The following SMYD3 variants were observed in gnomAD, a reference collection of about 807,000 sequenced individuals.
The protein encoded by SMYD3 is histone-lysine N-methyltransferase SMYD3.
Under a neutral mutation model 57.7 loss-of-function variants are expected in SMYD3, and 36 were observed. The ratio of observed to expected loss-of-function variants is 0.62; its 90% CI spans 0.48 to 0.82. The LOEUF is 0.82. Ranked by LOEUF, SMYD3 falls within the 40% of genes least tolerant of loss-of-function variation. The pLI is 0.00. For missense variants in SMYD3, 515 were observed against 538.8 expected (o/e 0.96, Z 0.44); for synonymous variants, 211 against 195.0 (o/e 1.08, Z -0.68).
intron 5 of SMYD3, among the ~76,000 whole-genome samples, chr1:246,036,522 T>C (rs1443836590): frequency 1.4e-5 from 2 of 147,850 alleles, no homozygotes. Context: ...TTATTTTCTC[T>C]GTACTCTTCT....
chr1:246,005,830 G>T lies in SMYD3; in HGVS notation c.532-75893C>A, dbSNP rs138220257. On this transcript the variant is annotated intron_variant, in intron 5 of 11. Coordinates refer to ENST00000490107, the MANE Select transcript of SMYD3 (RefSeq NM_001167740.2). ...CAGTCACTCTCAATCATTACCAGAC[G>T]TCGTCACTGAATTTAGGGCCCCTGT... 5.6e-3 allele frequency among the ~76,000 whole-genome samples: 852 copies of T among 152,242 alleles called. 3 individuals carry two copies. The highest frequency in any genetic ancestry group is 9.4e-3 in the Non-Finnish European group (637 of 68,012).
At chr1:246,225,706 G>T (rs1036271705) in intron 5 of SMYD3, among the ~76,000 whole-genome samples, 1 of 151,942 alleles carries the variant, frequency 6.6e-6, no homozygotes, top group Non-Finnish European at 1.5e-5. Context: ...TAAACCATAC[G>T]GATCTACAAC....
intron 10 of SMYD3, among the ~76,000 whole-genome samples, chr1:245,845,385 T>C (rs1003638530): frequency 6.6e-6 from 1 of 152,248 alleles, no homozygotes; most frequent in Non-Finnish European, 1.5e-5. Context: ...ACTGTTTCTG[T>C]AGCATTTCCA....
chr1:246,269,864 C>T (rs961841015), intron 5 of SMYD3, among the ~76,000 whole-genome samples: 4 of 152,296 alleles, frequency 2.6e-5, no homozygotes, highest in East Asian at 1.9e-4. Flanking sequence ...TGTACCACCA[C>T]ACCCAGCGGT....
chr1:246,271,037 T>C (rs912529764), intron 5 of SMYD3, among the ~76,000 whole-genome samples: 9 of 152,220 alleles, frequency 5.9e-5, no homozygotes, highest in Admixed American at 5.9e-4. Context: ...TATCTCACTG[T>C]AGTTTTGATT....
chr1:245,846,651 A>G (rs536738474), intron 10 of SMYD3, among the ~76,000 whole-genome samples: 2 of 152,318 alleles, frequency 1.3e-5, no homozygotes, highest in South Asian at 4.1e-4. Context: ...TCTGGCTGTG[A>G]GGATTAGAAG....
intron 5 of SMYD3, among the ~76,000 whole-genome samples, chr1:246,031,836 G>A (rs891056775): frequency 6.6e-6 from 1 of 151,984 alleles, no homozygotes; most frequent in Non-Finnish European, 1.5e-5. Context: ...ATTGTAGTCT[G>A]CAGAGACTAA....
intron 5 of SMYD3, among the ~76,000 whole-genome samples, chr1:246,201,680 G>T (rs1366692179): frequency 1.3e-5 from 2 of 152,130 alleles, no homozygotes; most frequent in African/African-American, 4.8e-5. Context: ...TAATGATCCG[G>T]TTCACATCAA....
chr1:246,420,122 C>G (rs1184989092), intron 1 of SMYD3, among the ~76,000 whole-genome samples: 2 of 152,076 alleles, frequency 1.3e-5, no homozygotes, highest in African/African-American at 4.8e-5. Context: ...TCACTTGAAC[C>G]CAGGAGGTGG....
intron 1 of SMYD3, among the ~76,000 whole-genome samples, chr1:246,479,856 C>G (rs1365762628): frequency 6.6e-6 from 1 of 152,064 alleles, no homozygotes; most frequent in African/African-American, 2.4e-5. Flanking sequence ...ATCTTCAGTA[C>G]CAACAACAGT....
chr1:245,839,629 C>G (rs771984704), intron 10 of SMYD3, among the ~76,000 whole-genome samples: 2 of 138,428 alleles, frequency 1.4e-5, no homozygotes, highest in Non-Finnish European at 3.0e-5. Flanking sequence ...ATGATGGATA[C>G]GCAACTATGT....
chr1:245,930,003 TA>T, intron 5 of SMYD3, 66 bp from the exon 6 acceptor site: 2 of 1,430,648 alleles, frequency 1.4e-6, no homozygotes, highest in Non-Finnish European at 2.0e-6. Flanking sequence ...GCCAAGAGAA[TA>T]AAAAACGTTC....
intron 5 of SMYD3, among the ~76,000 whole-genome samples, chr1:246,060,410 T>C (rs1448908879): frequency 1.3e-5 from 2 of 152,138 alleles, no homozygotes; most frequent in East Asian, 1.9e-4. Flanking sequence ...TGTGAGAACA[T>C]TTCATAAGGT....
chr1:246,219,005 T>C (rs1482627351), intron 5 of SMYD3, among the ~76,000 whole-genome samples: 4 of 152,134 alleles, frequency 2.6e-5, no homozygotes, highest in Non-Finnish European at 4.4e-5. Flanking sequence ...TCTGTATGCC[T>C]GGGAGTTGTC....
rs146541667 is a variant in SMYD3 at position 246,272,434 on chromosome 1, A to G, written c.531+54767T>C. 1.6e-3 allele frequency among the ~76,000 whole-genome samples: 239 copies of G among 152,278 alleles called. 1 individual carries two copies. Among genetic ancestry groups the G allele is most frequent in the African/African-American group, 5.2e-3 (218 of 41,570 alleles). ...GGGTTTTTCATATATGGCTTTTACTATGTTGAAGTAGTTTCTTTTTATTCC... is the reference window on the plus strand; with the variant it reads ...GGGTTTTTCATATATGGCTTTTACTGTGTTGAAGTAGTTTCTTTTTATTCC... On this transcript the variant is annotated intron_variant, in intron 5 of 11. Transcript: ENST00000490107.
At chr1:246,487,784 T>C (rs2068210773) in intron 1 of SMYD3, among the ~76,000 whole-genome samples, 1 of 150,842 alleles carries the variant, frequency 6.6e-6, no homozygotes, top group Admixed American at 6.6e-5. Context: ...AACCTCTGCC[T>C]CCTGGGTTCA....
chr1:246,109,532 A>G (rs1241473117), intron 5 of SMYD3, among the ~76,000 whole-genome samples: 1 of 152,212 alleles, frequency 6.6e-6, no homozygotes, highest in Non-Finnish European at 1.5e-5. Flanking sequence ...ATTTTTAAAA[A>G]TTGCCCCCTG....
At chr1:245,876,139 C>A (rs2052473077) in intron 8 of SMYD3, among the ~76,000 whole-genome samples, 1 of 152,208 alleles carries the variant, frequency 6.6e-6, no homozygotes. Context: ...GACATGCCCA[C>A]ATACACACAC....
intron 5 of SMYD3, among the ~76,000 whole-genome samples, chr1:246,287,452 C>T (rs2064592556): frequency 1.3e-5 from 2 of 152,262 alleles, no homozygotes; most frequent in South Asian, 4.2e-4. Context: ...TAAGTTAGGA[C>T]TCCAGAAGAA....
Sources: gnomAD v4.1 joint callset for allele counts (sites outside exome capture counted in the v4.1 genomes callset) on GRCh38, gnomAD v4.1.1 for gene constraint, MANE v1.5 for transcripts, NCBI Gene and HGNC (gene_info 2026-07-23, HGNC 2026-07-21) for gene names.